Variants in LEFTY2 observed in about 807,000 individuals in gnomAD.
LEFTY2 encodes the protein TGF-beta-4.
LEFTY2 carries 10 observed loss-of-function variants against 26.4 expected under a neutral mutation model. The ratio of observed to expected loss-of-function variants is 0.38; its 90% CI spans 0.23 to 0.64. The LOEUF (loss-of-function observed/expected upper bound fraction) is 0.64. LEFTY2 is among the 30% of genes least tolerant of loss of function. The pLI, the probability that LEFTY2 is intolerant of heterozygous loss-of-function variation, is 0.56. For synonymous variants in LEFTY2, 204 were observed against 234.1 expected, an observed-to-expected ratio of 0.87 and a Z score of 1.17; for missense variants, 407 against 502.1, an observed-to-expected ratio of 0.81 and a Z score of 1.81.
rs528937301 is a variant in LEFTY2, at chr1:225,940,741, G to A, written c.250+150C>T. On this transcript the variant is annotated intron_variant, in intron 1 of 3. Transcript: ENST00000366820. ...AGCTGGAGACCCTGGACCCAGGCCC[G>A]GCTCCTCCTCACTGCTCCTTGGACC... 1.7e-5 allele frequency: 21 copies of A among 1,229,410 alleles called. No homozygotes were observed. In the East Asian group the frequency reaches 2.2e-4, roughly 13 times the overall value. 76.2% of individuals were successfully genotyped at this position (1,229,410 alleles called of 1,614,324 possible).
Position 225,939,247 on chromosome 1 carries a change from G to T in LEFTY2, c.737+114C>A. The T allele has an allele frequency of 6.6e-7, 1 of 1,504,618 alleles. No homozygotes were observed. 93.2% of individuals were successfully genotyped at this position (1,504,618 alleles called of 1,614,324 possible). A position where few individuals can be genotyped will look rare whatever the true frequency, so the allele number is the denominator to read the frequency against. On this transcript the variant is annotated intron_variant, in intron 3 of 3. Transcript: ENST00000366820. The surrounding 1 kb of genome is among the most constrained non-coding windows in gnomAD (Gnocchi z 4.1). ...GGCATCCTGGGACAGTCTGCACCGC[G>T]CTCTCCCTACCCCTAGCCCACCGCC...
Position 225,937,468 on chromosome 1 carries a change from C to A in LEFTY2, c.1074G>T (p.Ala358=), listed in dbSNP as rs561486852. 7.7e-5 allele frequency: 124 copies of A among 1,613,982 alleles called. No homozygotes were observed. In the East Asian group the frequency reaches 2.6e-3, roughly 34 times the overall value. Residue 358 remains alanine, a synonymous_variant, in exon 4 of 4, where the codon GCG becomes GCT. Transcript: ENST00000366820. ...VQKCSCASDG[A]LVPRRLQP The stretch of plus-strand genomic sequence containing the variant: ...ATGGCTGGAGCCTCCTTGGCACGAG[C>A]GCCCCATCCGAGGCACAGCTGCACT...
chr1:225,938,533 T>C (rs1672212883), intron 3 of LEFTY2, among the ~76,000 whole-genome samples: 1 of 152,028 alleles, frequency 6.6e-6, no homozygotes, highest in Non-Finnish European at 1.5e-5. Context: ...TTTATATTTT[T>C]AGTAGAGACG....
At position 225,937,288 on chromosome 1, in the gene LEFTY2, G is replaced by C; in HGVS notation, c.*153C>G. On this transcript the variant is annotated 3_prime_UTR_variant, in exon 4 of 4. Transcript: ENST00000366820. ...TAAGTGCTTAGGATGGGTGATGGAC[G>C]GGAAAGACAGGAAATGGAAGGACAC... is the stretch of plus-strand genomic sequence containing the variant. The C allele has an allele frequency of 1.6e-6, 2 of 1,248,694 alleles. No individual in the cohort carries two copies. The highest frequency in any genetic ancestry group is 2.3e-6 in the Non-Finnish European group (2 of 876,508). 77.4% of individuals were successfully genotyped at this position (1,248,694 alleles called of 1,614,324 possible).
chr1:225,937,603 C>G lies in LEFTY2; in HGVS notation c.939G>C (p.Pro313=). ...ALAFNWPFLG[P]RQCIASETAS... ...CAGTCTCCGAGGCGATACACTGTCGCGGCCCCAGAAATGGCCAATTGAAGG... is the reference window on the plus strand; with the variant it reads ...CAGTCTCCGAGGCGATACACTGTCGGGGCCCCAGAAATGGCCAATTGAAGG... Residue 313 remains proline, a synonymous_variant, in exon 4 of 4, where the codon CCG becomes CCC. Transcript: ENST00000366820. 1 of 1,614,132 alleles carries G rather than the reference C, an allele frequency of 6.2e-7. No individual in the cohort carries two copies. Among genetic ancestry groups the G allele is most frequent in the Non-Finnish European group, 8.5e-7 (1 of 1,180,042 alleles).
In LEFTY2 at chr1:225,939,947, G is replaced by A. The variant is rs761983180; in HGVS notation, c.306C>T (p.Gly102=). ...TGTTGGGCGGCAGCCGCTGCTCCAT[G>A]CCGAACACCAGCAGGTGTGTGCTGG... ...SEASTHLLVF[G]MEQRLPPNSE... Residue 102 remains glycine (G), a synonymous_variant, in exon 2 of 4, where the codon GGC becomes GGT. Transcript: ENST00000366820. The surrounding 1 kb of genome is among the most constrained non-coding windows in gnomAD (Gnocchi z 4.1). The A allele has an allele frequency of 1.1e-5, 18 of 1,594,438 alleles. No homozygotes were observed. The highest frequency in any genetic ancestry group is 1.5e-5 in the Non-Finnish European group (18 of 1,179,168).
chr1:225,937,599 G>C lies in LEFTY2; in HGVS notation c.943C>G (p.Gln315Glu), dbSNP rs1163462923. 5 of 1,614,122 alleles carry C rather than the reference G, an allele frequency of 3.1e-6. No homozygotes were observed. Among genetic ancestry groups the C allele is most frequent in the Middle Eastern group, 3.3e-4 (2 of 5,998 alleles). The stretch of plus-strand genomic sequence containing the variant: ...GAGGCAGTCTCCGAGGCGATACACT[G>C]TCGCGGCCCCAGAAATGGCCAATTG... ...AFNWPFLGPR[Q>E]CIASETASLP... The change falls in exon 4 of 4, where the codon CAG (glutamine) becomes GAG (glutamate). Residue 315 changes from glutamine to glutamate, a missense_variant. Coordinates refer to ENST00000366820, the MANE Select transcript of LEFTY2 (RefSeq NM_003240.5).
At position 225,939,659 on chromosome 1, in the gene LEFTY2, C is replaced by T. The variant is rs1403177454; in HGVS notation, c.498-59G>A. ...CGCCGCTTGAGGGCGGGGACTGGGA[C>T]GGGCCCCGAGGACCCTGCACCGCCC... is the stretch of plus-strand genomic sequence containing the variant. On this transcript the variant is annotated intron_variant, in intron 2 of 3. Coordinates refer to ENST00000366820, the MANE Select transcript of LEFTY2 (RefSeq NM_003240.5). The surrounding 1 kb of genome is among the most constrained non-coding windows in gnomAD (Gnocchi z 4.1). 2 of 1,611,854 alleles carry T rather than the reference C, an allele frequency of 1.2e-6. No homozygotes were observed. The highest frequency in any genetic ancestry group is 2.2e-5 in the East Asian group (1 of 44,874).
In LEFTY2 at chr1:225,940,973, G is replaced by A. The variant is rs771776125; in HGVS notation, c.168C>T (p.His56=). 12 of 1,613,618 alleles carry A rather than the reference G, an allele frequency of 7.4e-6. No homozygotes were observed. The Admixed American group carries it at 1.0e-4, about 13-fold the overall frequency. ...GCAGGACTACATACTGGGCCCTCAC[G>A]TGGGCGGGGATGACCAGCTTCTCCA... The part of the protein sequence containing the change: ...ADMEKLVIPA[H]VRAQYVVLLR... The change falls in exon 1 of 4, where the codon CAC becomes CAT. Residue 56 remains histidine, a synonymous_variant. Transcript: ENST00000366820.
At position 225,937,794 on chromosome 1, in the gene LEFTY2, C is replaced by G. The variant is rs141625209; in HGVS notation, c.748G>C (p.Asp250His). 2 of 1,611,468 alleles carry G rather than the reference C, an allele frequency of 1.2e-6. No homozygotes were observed. The highest frequency in any genetic ancestry group is 2.2e-5 in the South Asian group (2 of 90,728). Residue 250 changes from aspartate to histidine, a missense_variant, in exon 4 of 4, where the codon GAC (aspartate) becomes CAC (histidine). Asp to His is a moderately conservative substitution (Grantham distance 81). Transcript: ENST00000366820. ...GTCATTGGTGCTTCAGGGTCACAGTCGCCCTGAGCTCTGTGTGGGCAAGGA... is the reference window on the plus strand; with the variant it reads ...GTCATTGGTGCTTCAGGGTCACAGTGGCCCTGAGCTCTGTGTGGGCAAGGA... ...LDLRDYGAQGDCDPEAPMTEG... is the reference protein window; with the variant it reads ...LDLRDYGAQGHCDPEAPMTEG...
Position 225,939,617 on chromosome 1 carries a change from A to G in LEFTY2, c.498-17T>C, listed in dbSNP as rs530184482. On this transcript the variant is annotated splice_polypyrimidine_tract_variant and intron_variant, in intron 2 of 3. Coordinates refer to ENST00000366820, the MANE Select transcript of LEFTY2 (RefSeq NM_003240.5). The surrounding 1 kb of genome is among the most constrained non-coding windows in gnomAD (Gnocchi z 4.1). Reference sequence around the variant, plus strand: ...GACACCAGCCTGAGACATGATACACACGACACGGAGACCCAGCGCCGCTTG... The same window carrying G: ...GACACCAGCCTGAGACATGATACACGCGACACGGAGACCCAGCGCCGCTTG... 2.5e-6 allele frequency: 4 copies of G among 1,612,338 alleles called. No individual in the cohort carries two copies. The highest frequency in any genetic ancestry group is 3.4e-6 in the Non-Finnish European group (4 of 1,179,720).
Position 225,939,118 on chromosome 1 carries a change from G to C in LEFTY2, c.737+243C>G, listed in dbSNP as rs1484867979. Among the ~76,000 whole-genome samples, 1 of 151,896 alleles carries C rather than the reference G, an allele frequency of 6.6e-6. No individual in the cohort carries two copies. The highest frequency in any genetic ancestry group is 2.4e-5 in the African/African-American group (1 of 41,336). ...AACTCCTGATCTTGTGATCCAGCCCGCCTCGGCCTCCCAAAGTGCTAGGAT... is the reference window on the plus strand; with the variant it reads ...AACTCCTGATCTTGTGATCCAGCCCCCCTCGGCCTCCCAAAGTGCTAGGAT... On this transcript the variant is annotated intron_variant, in intron 3 of 3. Transcript: ENST00000366820. The surrounding 1 kb of genome is among the most constrained non-coding windows in gnomAD (Gnocchi z 4.1).
In LEFTY2 at chr1:225,941,011, C is replaced by G. The variant is rs566504205; in HGVS notation, c.130G>C (p.Asp44His). 3 of 1,613,314 alleles carry G rather than the reference C, an allele frequency of 1.9e-6. No homozygotes were observed. Among genetic ancestry groups the G allele is most frequent in the African/African-American group, 2.7e-5 (2 of 74,934 alleles). The change falls in exon 1 of 4, where the codon GAC becomes CAC. Residue 44 changes from aspartate (D) to histidine (H), a missense_variant. Coordinates refer to ENST00000366820, the MANE Select transcript of LEFTY2 (RefSeq NM_003240.5). Reference protein sequence around the residue: ...QLQLSEVPVLDRADMEKLVIP... With the variant: ...QLQLSEVPVLHRADMEKLVIP... Reference sequence around the variant, plus strand: ...ACCAGCTTCTCCATGTCGGCCCTGTCCAGTACGGGCACCTCGCTGAGCTGC... The same window carrying G: ...ACCAGCTTCTCCATGTCGGCCCTGTGCAGTACGGGCACCTCGCTGAGCTGC...
In LEFTY2 at chr1:225,941,096, C is replaced by A; in HGVS notation, c.45G>T (p.Leu15=). Residue 15 remains leucine, a synonymous_variant, in exon 1 of 4, where the codon CTG becomes CTT. Coordinates refer to ENST00000366820, the MANE Select transcript of LEFTY2 (RefSeq NM_003240.5). ...WLCWALWVLP[L]AGPGAALTEE... ...CGGTCAGGGCCGCCCCGGGGCCAGC[C>A]AGGGGCAGCACCCAGAGTGCCCAGC... 1 of 1,591,658 alleles carries A rather than the reference C, an allele frequency of 6.3e-7. No homozygotes were observed. The highest frequency in any genetic ancestry group is 8.5e-7 in the Non-Finnish European group (1 of 1,169,748).
At position 225,937,047 on chromosome 1, in the gene LEFTY2, A is replaced by C; in HGVS notation, c.*394T>G. 1 of 311,316 alleles carries C rather than the reference A, an allele frequency of 3.2e-6. No individual in the cohort carries two copies. Among genetic ancestry groups the C allele is most frequent in the Non-Finnish European group, 6.1e-6 (1 of 162,856 alleles). The allele number at this position is 311,316 out of a possible 1,614,324, so 19.3% of individuals were successfully genotyped here. ...ATGGGTCAGTATTTGGGGGAAATAG[A>C]GATTTGAAGGTTTTAATTCCTCATA... On this transcript the variant is annotated 3_prime_UTR_variant, in exon 4 of 4. Transcript: ENST00000366820.
In LEFTY2 at chr1:225,937,658, C is replaced by T; in HGVS notation, c.884G>A (p.Gly295Asp). The T allele has an allele frequency of 3.1e-6, 5 of 1,613,854 alleles. No homozygotes were observed. Among genetic ancestry groups the T allele is most frequent in the Non-Finnish European group, 4.2e-6 (5 of 1,179,998 alleles). ...PPGFLAYECVGTCQQPPEALA... is the reference protein window; with the variant it reads ...PPGFLAYECVDTCQQPPEALA... ...GGCCTCCGGGGGCTGCTGGCAGGTGCCCACACACTCGTAAGCCAGGAAGCC... is the reference window on the plus strand; with the variant it reads ...GGCCTCCGGGGGCTGCTGGCAGGTGTCCACACACTCGTAAGCCAGGAAGCC... The change falls in exon 4 of 4, where the codon GGC becomes GAC. Residue 295 changes from glycine to aspartate, a missense_variant. Coordinates refer to ENST00000366820, the MANE Select transcript of LEFTY2 (RefSeq NM_003240.5).
At position 225,939,162 on chromosome 1, in the gene LEFTY2, CG is replaced by C. The variant is rs1290084544; in HGVS notation, c.737+198del. ...CTAGGATTACAGGTCTGAGCCACCACGCCTGGCCAACAATACAATTTCTGCC... is the reference window on the plus strand; with the variant it reads ...CTAGGATTACAGGTCTGAGCCACCACCCTGGCCAACAATACAATTTCTGCC... On this transcript the variant is annotated intron_variant, in intron 3 of 3. Coordinates refer to ENST00000366820, the MANE Select transcript of LEFTY2 (RefSeq NM_003240.5). The surrounding 1 kb of genome is among the most constrained non-coding windows in gnomAD (Gnocchi z 4.1). Among the ~76,000 whole-genome samples, 2 of 152,188 alleles carry C rather than the reference CG, an allele frequency of 1.3e-5. No individual in the cohort carries two copies. Among genetic ancestry groups the C allele is most frequent in the Admixed American group, 1.3e-4 (2 of 15,278 alleles).
chr1:225,940,328 C>T (rs985620860), intron 1 of LEFTY2, among the ~76,000 whole-genome samples: 7 of 152,202 alleles, frequency 4.6e-5, no homozygotes, highest in Non-Finnish European at 8.8e-5. Flanking sequence ...AGGATTCAGG[C>T]CCAGTTGCAC....
rs536445842 is a variant in LEFTY2, at chr1:225,940,978, C to T, written c.163G>A (p.Ala55Thr). 14 of 1,613,694 alleles carry T rather than the reference C, an allele frequency of 8.7e-6. No homozygotes were observed. The Admixed American group carries it at 1.2e-4, about 13-fold the overall frequency. Residue 55 changes from alanine (A) to threonine (T), a missense_variant, in exon 1 of 4, where the codon GCC becomes ACC. Physicochemically the swap from Ala to Thr is moderately conservative, Grantham distance 58 (BLOSUM62 0). Coordinates refer to ENST00000366820, the MANE Select transcript of LEFTY2 (RefSeq NM_003240.5). ...ACTACATACTGGGCCCTCACGTGGGCGGGGATGACCAGCTTCTCCATGTCG... is the reference window on the plus strand; with the variant it reads ...ACTACATACTGGGCCCTCACGTGGGTGGGGATGACCAGCTTCTCCATGTCG... ...RADMEKLVIP[A>T]HVRAQYVVLL...
Sources: allele counts gnomAD v4.1 joint callset (sites outside exome capture counted in the v4.1 genomes callset), GRCh38; gene constraint gnomAD v4.1.1; non-coding constraint Gnocchi (gnomAD v3.1); transcripts MANE v1.5; gene names NCBI Gene and HGNC (gene_info 2026-07-23, HGNC 2026-07-21).